The following RPH3A variants were observed in gnomAD, a reference collection of about 807,000 sequenced individuals.
The protein encoded by RPH3A is rabphilin-3A.
Under a neutral mutation model 102.2 loss-of-function variants are expected in RPH3A, and 48 were observed. The ratio of observed to expected loss-of-function variants is 0.47; its 90% CI spans 0.37 to 0.60. RPH3A has a LOEUF of 0.60. Among genes scored for constraint, RPH3A ranks in the 20% least tolerant of loss-of-function variants. RPH3A has a pLI of 0.00. For missense variants in RPH3A, 781 were observed against 910.1 expected (o/e 0.86, Z 1.83); for synonymous variants, 310 against 324.3 (o/e 0.96, Z 0.47).
At chr12:112,744,309 C>G (rs914640796) in intron 1 of RPH3A, among the ~76,000 whole-genome samples, 5 of 152,128 alleles carry the variant, frequency 3.3e-5, no homozygotes, top group Non-Finnish European at 7.4e-5. Flanking sequence ...CTCCTGACCT[C>G]AAGTGATCCA....
chr12:112,782,012 C>G (rs2041012765), intron 1 of RPH3A, among the ~76,000 whole-genome samples: 1 of 152,212 alleles, frequency 6.6e-6, no homozygotes. Context: ...TGGAAGGATA[C>G]AGGCTATTAT....
At chr12:112,600,930 C>T (rs187642846) in intron 1 of RPH3A, among the ~76,000 whole-genome samples, 164 of 152,302 alleles carry the variant, frequency 1.1e-3, no homozygotes, top group Non-Finnish European at 1.7e-3. Context: ...GTGGAAGTCA[C>T]CTCTTCACAG....
intron 1 of RPH3A, among the ~76,000 whole-genome samples, chr12:112,592,495 T>C (rs1378719900): frequency 6.6e-6 from 1 of 152,070 alleles, no homozygotes; most frequent in African/African-American, 2.4e-5. Context: ...ATTTTTGTAT[T>C]TTTAGTAGAG....
rs3037266 is a variant in RPH3A at position 112,752,968 on chromosome 12, CTTT to C, written c.-139-39157_-139-39155del. The stretch of plus-strand genomic sequence containing the variant: ...GTACATTTGGGTGGTGTCCAGTTTT[CTTT>C]TTTTTTTTTTTTTTTTTGCTGTTGT... On this transcript the variant is annotated intron_variant, in intron 1 of 21. Transcript: ENST00000543106. Among the ~76,000 whole-genome samples the C allele has an allele frequency of 9.7e-3, 1,155 of 118,882 alleles. 3 individuals are homozygous for C. The highest frequency in any genetic ancestry group is 0.024 in the African/African-American group (728 of 30,442). The allele number at this position is 118,882 out of a possible 152,430, so 78.0% of individuals were successfully genotyped here.
chr12:112,764,906 T>C lies in RPH3A; in HGVS notation c.-139-27237T>C, dbSNP rs116029236. ...CCAATTTCCTGCATTAAATTTCATCTGTTTGAAATACTTAACGTGATGTCT... is the reference window on the plus strand; with the variant it reads ...CCAATTTCCTGCATTAAATTTCATCCGTTTGAAATACTTAACGTGATGTCT... On this transcript the variant is annotated intron_variant, in intron 1 of 21. Coordinates refer to the RPH3A transcript ENST00000543106. 2.9e-3 allele frequency among the ~76,000 whole-genome samples: 447 copies of C among 152,320 alleles called. 5 individuals carry two copies. The highest frequency in any genetic ancestry group is 0.01 in the African/African-American group (425 of 41,562).
At chr12:112,585,670 G>T (rs2039433872) in intron 1 of RPH3A, among the ~76,000 whole-genome samples, 1 of 152,168 alleles carries the variant, frequency 6.6e-6, no homozygotes, top group African/African-American at 2.4e-5. Context: ...GGGAGGCAGA[G>T]TTTGCAGTGA....
chr12:112,747,879 T>G (rs1398965252), intron 1 of RPH3A, among the ~76,000 whole-genome samples: 1 of 152,246 alleles, frequency 6.6e-6, no homozygotes, highest in Non-Finnish European at 1.5e-5. Context: ...TAGCGTGGAC[T>G]GACAGCAGCT....
At chr12:112,740,646 T>C (rs1436678942) in intron 1 of RPH3A, among the ~76,000 whole-genome samples, 4 of 152,216 alleles carry the variant, frequency 2.6e-5, no homozygotes, top group South Asian at 2.1e-4. Context: ...CTGTCTTTCA[T>C]AGAAGCTTCA....
intron 1 of RPH3A, among the ~76,000 whole-genome samples, chr12:112,595,932 C>T (rs2039513147): frequency 6.6e-6 from 1 of 152,080 alleles, no homozygotes; most frequent in Non-Finnish European, 1.5e-5. Context: ...TGCAGCAATT[C>T]CATTTCTCTG....
At chr12:112,703,787 C>G (rs1374665665) in intron 1 of RPH3A, among the ~76,000 whole-genome samples, 2 of 152,186 alleles carry the variant, frequency 1.3e-5, no homozygotes, top group South Asian at 2.1e-4. Context: ...AAAACCCTAG[C>G]CCCAAACTCC....
intron 1 of RPH3A, among the ~76,000 whole-genome samples, chr12:112,758,799 T>G (rs1053174625): frequency 2.0e-5 from 3 of 152,202 alleles, no homozygotes; most frequent in Non-Finnish European, 4.4e-5. Context: ...TAAGTGTATC[T>G]AGTTGTAGGC....
At chr12:112,831,703 T>C (rs1263507083) in intron 3 of RPH3A, 1 of 447,086 alleles carries the variant, frequency 2.2e-6, no homozygotes, top group Admixed American at 2.4e-5. Flanking sequence ...TCTCTCAGAC[T>C]GTGTGTATCT....
At chr12:112,651,065 T>C (rs544846873) in intron 1 of RPH3A, among the ~76,000 whole-genome samples, 1 of 151,912 alleles carries the variant, frequency 6.6e-6, no homozygotes, top group Admixed American at 6.6e-5. Context: ...GTTCATATTA[T>C]TAATACCATT....
intron 1 of RPH3A, among the ~76,000 whole-genome samples, chr12:112,671,953 A>T (rs2040134949): frequency 6.6e-6 from 1 of 151,382 alleles, no homozygotes; most frequent in Non-Finnish European, 1.5e-5. Flanking sequence ...TATGTCCAAA[A>T]TGTAGTGGCT....
At chr12:112,606,088 T>A (rs149974815) in intron 1 of RPH3A, among the ~76,000 whole-genome samples, 3 of 152,336 alleles carry the variant, frequency 2.0e-5, no homozygotes, top group Admixed American at 2.0e-4. Flanking sequence ...CTTCTCTTAG[T>A]ACCTGCTTGG....
At chr12:112,781,084 C>T (rs1254001819) in intron 1 of RPH3A, among the ~76,000 whole-genome samples, 1 of 152,086 alleles carries the variant, frequency 6.6e-6, no homozygotes, top group Non-Finnish European at 1.5e-5. Flanking sequence ...CGTTTGAACC[C>T]AGGAGAAGGA....
At chr12:112,866,638 G>A in intron 6 of RPH3A, 119 bp from the exon 7 acceptor site, 1 of 747,724 alleles carries the variant, frequency 1.3e-6, no homozygotes. Context: ...AGAAGGAAGT[G>A]GGAGAAATGG....
intron 1 of RPH3A, among the ~76,000 whole-genome samples, chr12:112,773,972 C>T (rs1031439553): frequency 6.7e-6 from 1 of 149,894 alleles, no homozygotes; most frequent in Non-Finnish European, 1.5e-5. Context: ...ATCCCAGCTA[C>T]TACTTGGGAG....
chr12:112,588,954 A>C, intron 1 of RPH3A, among the ~76,000 whole-genome samples: 1 of 152,144 alleles, frequency 6.6e-6, no homozygotes, highest in East Asian at 1.9e-4. Context: ...ACCTAAAGTG[A>C]AATCTGAAGG....
Sources: gnomAD v4.1 joint callset for allele counts (sites outside exome capture counted in the v4.1 genomes callset) on GRCh38, gnomAD v4.1.1 for gene constraint, MANE v1.5 for transcripts, NCBI Gene and HGNC (gene_info 2026-07-23, HGNC 2026-07-21) for gene names.